Variants in ACAT1 observed in about 807,000 individuals in gnomAD.
The protein encoded by ACAT1 is acetyl-CoA acetyltransferase, mitochondrial.
Under a neutral mutation model 47.3 loss-of-function variants are expected in ACAT1, and 28 were observed. That is an observed-to-expected ratio of 0.59 (90% CI 0.44 to 0.81). The LOEUF (loss-of-function observed/expected upper bound fraction) is 0.81, where lower values mean the gene tolerates loss of function less well. Ranked by LOEUF, ACAT1 falls within the 30% of genes least tolerant of loss-of-function variation. ACAT1 has a pLI of 0.00. For missense variants in ACAT1, 469 were observed against 524.3 expected (o/e 0.89, Z 1.03); for synonymous variants, 181 against 173.6 (o/e 1.04, Z -0.34).
upstream of ACAT1, among the ~76,000 whole-genome samples, chr11:108,116,836 C>G (rs922765896): frequency 1.3e-5 from 2 of 152,128 alleles, no homozygotes; most frequent in African/African-American, 4.8e-5. Flanking sequence ...AACAGACTCT[C>G]CGTTAGAACC....
chr11:108,147,511 T>TTAAC lies in ACAT1; in HGVS notation c.*123_*126dup, dbSNP rs1206227542. 9 of 1,292,518 alleles carry TTAAC rather than the reference T, an allele frequency of 7.0e-6. No individual in the cohort carries two copies. Among genetic ancestry groups the TTAAC allele is most frequent in the East Asian group, 4.9e-5 (2 of 40,644 alleles). The allele number at this position is 1,292,518 out of a possible 1,614,324, so 80.1% of individuals were successfully genotyped here. ...GTTTCATTTTTTATTATTTTCTATGTTAACTTTTAAAAATCAAAATGATGA... is the reference window on the plus strand; with the variant it reads ...GTTTCATTTTTTATTATTTTCTATGTTAACTAACTTTTAAAAATCAAAATGATGA... On this transcript the variant is annotated 3_prime_UTR_variant, in exon 12 of 12. Transcript: ENST00000265838.
chr11:108,134,301 G>A lies in ACAT1; in HGVS notation c.319G>A (p.Ala107Thr). The A allele has an allele frequency of 6.2e-7, 1 of 1,613,378 alleles. No individual in the cohort carries two copies. The highest frequency in any genetic ancestry group is 1.3e-5 in the African/African-American group (1 of 74,972). The stretch of plus-strand genomic sequence containing the variant: ...TGAAGGACAAGCTCCTACAAGGCAG[G>A]CAGTATTGGGTGCAGGTACCTGGAA... Reference protein sequence around the residue: ...GGEGQAPTRQAVLGAGLPIST... With the variant: ...GGEGQAPTRQTVLGAGLPIST... The change falls in exon 4 of 12, where the codon GCA becomes ACA. Residue 107 changes from alanine (A) to threonine (T), a missense_variant. Ala to Thr is a moderately conservative substitution (Grantham distance 58). Coordinates refer to ENST00000265838, the MANE Select transcript of ACAT1 (RefSeq NM_000019.4).
rs1192512530 is a variant in ACAT1 at position 108,140,532 on chromosome 11, T to C, written c.730+317T>C. ...GGGAGTGCCTCCAAGAACTGAAGGA[T>C]GAACAGTAGCAACCATTCAGCTCTG... is the stretch of plus-strand genomic sequence containing the variant. On this transcript the variant is annotated intron_variant, in intron 7 of 11. Coordinates refer to ENST00000265838, the MANE Select transcript of ACAT1 (RefSeq NM_000019.4). Among the ~76,000 whole-genome samples, 4 of 152,364 alleles carry C rather than the reference T, an allele frequency of 2.6e-5. No individual in the cohort carries two copies. The East Asian group carries it at 7.7e-4, about 29-fold the overall frequency.
chr11:108,132,814 C>T (rs1306736621), intron 2 of ACAT1, among the ~76,000 whole-genome samples: 2 of 127,044 alleles, frequency 1.6e-5, no homozygotes, highest in East Asian at 4.5e-4. Context: ...AGATCACGTG[C>T]CTGCACTCTA....
At chr11:108,138,149 C>T (rs995727877) in intron 5 of ACAT1, among the ~76,000 whole-genome samples, 2 of 2,458 alleles carry the variant, frequency 8.1e-4, no homozygotes, top group Non-Finnish European at 1.4e-3. Context: ...CCACCAAACC[C>T]GGCTAATTTT....
intron 1 of ACAT1, among the ~76,000 whole-genome samples, 167 bp from the exon 2 acceptor site, chr11:108,131,740 G>A (rs2077363470): frequency 6.6e-6 from 1 of 151,942 alleles, no homozygotes. Context: ...TTATAAAGCA[G>A]TCATTTTTTT....
intron 5 of ACAT1, 77 bp downstream of exon 5, chr11:108,135,319 CAT>C: frequency 9.3e-7 from 1 of 1,071,884 alleles, no homozygotes; most frequent in East Asian, 2.4e-5. Flanking sequence ...TAGGCATATT[CAT>C]ATTTTAGAAA....
Position 108,146,013 on chromosome 11 carries a change from C to T in ACAT1, c.1006-189C>T, listed in dbSNP as rs1416779311. ...AGTGAGCCAAGATGGCGCCATTGCA[C>T]TCCAGCCTGGGAGACAGAGCAAGAC... On this transcript the variant is annotated intron_variant, in intron 10 of 11. Coordinates refer to ENST00000265838, the MANE Select transcript of ACAT1 (RefSeq NM_000019.4). 1.4e-5 allele frequency: 7 copies of T among 517,816 alleles called. No homozygotes were observed. In the East Asian group the frequency reaches 2.6e-4, roughly 19 times the overall value. The allele number at this position is 517,816 out of a possible 1,614,324, so 32.1% of individuals were successfully genotyped here. A position where few individuals can be genotyped will look rare whatever the true frequency, so the allele number is the denominator to read the frequency against.
intron 4 of ACAT1, 61 bp from the exon 5 acceptor site, chr11:108,135,081 A>T: frequency 8.7e-7 from 1 of 1,143,530 alleles, no homozygotes; most frequent in Non-Finnish European, 1.3e-6. Context: ...AACATGCTCT[A>T]TTAAGTTCTG....
chr11:108,119,721 A>G (rs569874544), upstream of ACAT1, among the ~76,000 whole-genome samples: 1 of 152,156 alleles, frequency 6.6e-6, no homozygotes, highest in South Asian at 2.1e-4. Context: ...CTTCCTTTCA[A>G]TAATTCTCGA....
chr11:108,132,853 CAAAAAAAAAAA>C (rs57501370), intron 2 of ACAT1, among the ~76,000 whole-genome samples: 3 of 47,902 alleles, frequency 6.3e-5, no homozygotes, highest in Admixed American at 7.8e-4. Flanking sequence ...AACTCCATCT[CAAAAAAAAAAA>C]AAAAAAAAAA....
At chr11:108,145,167 G>A (rs1358046727) in intron 10 of ACAT1, among the ~76,000 whole-genome samples, 1 of 152,058 alleles carries the variant, frequency 6.6e-6, no homozygotes, top group Non-Finnish European at 1.5e-5. Flanking sequence ...ATAATCACTG[G>A]CACAAATACA....
chr11:108,133,508 C>CA (rs1365824901), intron 2 of ACAT1, among the ~76,000 whole-genome samples: 3 of 151,874 alleles, frequency 2.0e-5, no homozygotes, highest in Non-Finnish European at 2.9e-5. Flanking sequence ...CAAAAACAAA[C>CA]AAAAAAACAA....
intron 7 of ACAT1, among the ~76,000 whole-genome samples, chr11:108,141,208 T>C (rs1031475158): frequency 2.6e-5 from 4 of 151,644 alleles, no homozygotes; most frequent in Non-Finnish European, 5.9e-5. Context: ...ATTGGGAGAC[T>C]GTGCAAGACC....
At chr11:108,133,636 T>C (rs1254509275) in intron 2 of ACAT1, among the ~76,000 whole-genome samples, 184 bp from the exon 3 acceptor site, 4 of 152,240 alleles carry the variant, frequency 2.6e-5, no homozygotes, top group Non-Finnish European at 4.4e-5. Flanking sequence ...AGTTGGTTTC[T>C]ATAAGGTCTT....
At chr11:108,118,021 T>C (rs1013028097), upstream of ACAT1, among the ~76,000 whole-genome samples, 10 of 152,102 alleles carry the variant, frequency 6.6e-5, no homozygotes, top group African/African-American at 2.4e-4. Context: ...TAAACCACTT[T>C]TTGAGTAGCT....
upstream of ACAT1, among the ~76,000 whole-genome samples, chr11:108,118,521 G>A (rs59688896): frequency 6.6e-6 from 1 of 151,682 alleles, no homozygotes; most frequent in East Asian, 1.9e-4. Context: ...ACTACAGGTG[G>A]CCCCCTCCAT....
At chr11:108,121,501 G>A, upstream of ACAT1, 1 of 1,281,612 alleles carries the variant, frequency 7.8e-7, no homozygotes, top group Non-Finnish European at 1.1e-6. Flanking sequence ...GCGACTATTG[G>A]AGGAAGCGGG....
At position 108,143,976 on chromosome 11, in the gene ACAT1, T is replaced by C; in HGVS notation, c.941-7T>C. ...TTAACAACCCCCCCCCCCCTTTTTTTAAACAGCATTTGCTGACGCTGCTGT... is the reference window on the plus strand; with the variant it reads ...TTAACAACCCCCCCCCCCCTTTTTTCAAACAGCATTTGCTGACGCTGCTGT... On this transcript the variant is annotated splice_polypyrimidine_tract_variant and splice_region_variant and intron_variant, in intron 9 of 11. Transcript: ENST00000265838. The C allele has an allele frequency of 2.8e-6, 2 of 722,816 alleles. No individual in the cohort carries two copies. Among genetic ancestry groups the C allele is most frequent in the Admixed American group, 2.0e-5 (1 of 49,448 alleles). 44.8% of individuals were successfully genotyped at this position (722,816 alleles called of 1,614,324 possible).
Sources: gnomAD v4.1 joint callset for allele counts (sites outside exome capture counted in the v4.1 genomes callset) on GRCh38, gnomAD v4.1.1 for gene constraint, MANE v1.5 for transcripts, NCBI Gene and HGNC (gene_info 2026-07-23, HGNC 2026-07-21) for gene names.